Variants in GPC6 observed in about 807,000 individuals in gnomAD.
GPC6 encodes glypican-6.
GPC6 carries 14 observed loss-of-function variants against 55.2 expected under a neutral mutation model. The observed-to-expected ratio is 0.25, with a 90% CI of 0.17 to 0.40. GPC6 has a LOEUF of 0.40. GPC6 is among the 10% of genes least tolerant of loss of function. The probability of loss-of-function intolerance (pLI) is 1.00; values close to 1 mark genes in which losing one functional copy is unlikely to be tolerated. For synonymous variants in GPC6, 278 were observed against 259.6 expected (o/e 1.07, Z -0.68); for missense variants, 641 against 708.5 (o/e 0.90, Z 1.08).
chr13:93,309,197 T>C (rs898143514), intron 1 of GPC6, among the ~76,000 whole-genome samples: 2 of 152,204 alleles, frequency 1.3e-5, no homozygotes, highest in Admixed American at 1.3e-4. Flanking sequence ...GATATGCTTT[T>C]TGAAAAGAAT....
intron 3 of GPC6, among the ~76,000 whole-genome samples, chr13:93,879,723 ATAAAC>A (rs1874836134): frequency 6.6e-6 from 1 of 151,766 alleles, no homozygotes; most frequent in Non-Finnish European, 1.5e-5. Flanking sequence ...TGGGATCTAA[ATAAAC>A]TAAAGAGCTT....
intron 1 of GPC6, among the ~76,000 whole-genome samples, chr13:93,400,012 C>T (rs1044423088): frequency 2.6e-5 from 4 of 152,116 alleles, no homozygotes; most frequent in African/African-American, 4.8e-5. Flanking sequence ...TTGAAATAAT[C>T]GCATAAAGCT....
chr13:94,198,262 C>T (rs1302949922), intron 4 of GPC6, among the ~76,000 whole-genome samples: 4 of 152,048 alleles, frequency 2.6e-5, no homozygotes, highest in East Asian at 1.9e-4. Context: ...AGGTGAAAGT[C>T]CTAATGCAGG....
chr13:93,222,901 T>C (rs559982757), upstream of GPC6, among the ~76,000 whole-genome samples: 3 of 152,296 alleles, frequency 2.0e-5, no homozygotes, highest in South Asian at 6.2e-4. Flanking sequence ...ATCCCTCCAT[T>C]GTCATTGTCT....
intron 3 of GPC6, among the ~76,000 whole-genome samples, chr13:93,956,733 G>T (rs1354088033): frequency 6.6e-6 from 1 of 152,112 alleles, no homozygotes; most frequent in Non-Finnish European, 1.5e-5. Flanking sequence ...GTTCAACCGG[G>T]CATGTTTGTT....
chr13:93,862,401 G>C (rs1489719746), intron 3 of GPC6, among the ~76,000 whole-genome samples: 2 of 151,442 alleles, frequency 1.3e-5, no homozygotes, highest in Non-Finnish European at 3.0e-5. Context: ...TTCATATTTA[G>C]GGGGGTTACA....
chr13:93,303,872 A>ATTT lies in GPC6; in HGVS notation c.160+76272_160+76274dup, dbSNP rs33964040. Among the ~76,000 whole-genome samples the ATTT allele has an allele frequency of 3.9e-3, 506 of 128,922 alleles. 7 individuals carry two copies. Among genetic ancestry groups the ATTT allele is most frequent in the Non-Finnish European group, 4.7e-3 (289 of 62,064 alleles). The allele number at this position is 128,922 out of a possible 152,430, so 84.6% of individuals were successfully genotyped here. ...AGACAGTTTGGGCAATGTAGATACT[A>ATTT]TTTTTTTTTTTTTTTTTTGAGATGG... is the stretch of plus-strand genomic sequence containing the variant. On this transcript the variant is annotated intron_variant, in intron 1 of 8. Transcript: ENST00000377047.
At chr13:93,968,557 G>A (rs1481307863) in intron 3 of GPC6, among the ~76,000 whole-genome samples, 1 of 152,060 alleles carries the variant, frequency 6.6e-6, no homozygotes, top group Non-Finnish European at 1.5e-5. Flanking sequence ...TTCTGAAGAA[G>A]CACATGTTTG....
chr13:94,224,149 A>G (rs1890473369), intron 4 of GPC6, among the ~76,000 whole-genome samples: 2 of 151,718 alleles, frequency 1.3e-5, no homozygotes, highest in East Asian at 1.9e-4. Flanking sequence ...TGCAGAAAAC[A>G]TGTGTGTTAG....
intron 4 of GPC6, among the ~76,000 whole-genome samples, chr13:94,141,538 A>C (rs531181306): frequency 6.6e-6 from 1 of 152,230 alleles, no homozygotes; most frequent in East Asian, 1.9e-4. Flanking sequence ...ATCATGAGGC[A>C]TGTCCCACCT....
chr13:93,626,678 T>G (rs1879214689), intron 2 of GPC6, among the ~76,000 whole-genome samples: 1 of 151,872 alleles, frequency 6.6e-6, no homozygotes, highest in African/African-American at 2.4e-5. Flanking sequence ...GGCACACGCC[T>G]ATAGGCCCAG....
chr13:94,250,640 G>T (rs1428026028), intron 4 of GPC6, among the ~76,000 whole-genome samples: 1 of 152,114 alleles, frequency 6.6e-6, no homozygotes, highest in Non-Finnish European at 1.5e-5. Context: ...CCAGTTTCCT[G>T]AAGGAGACTT....
chr13:94,037,714 G>A (rs117428038), intron 4 of GPC6, among the ~76,000 whole-genome samples: 1 of 151,914 alleles, frequency 6.6e-6, no homozygotes. Flanking sequence ...CAGTACCAGG[G>A]TTATTAACCA....
chr13:93,346,089 G>T (rs1285314257), intron 1 of GPC6, among the ~76,000 whole-genome samples: 1 of 152,174 alleles, frequency 6.6e-6, no homozygotes, highest in Non-Finnish European at 1.5e-5. Context: ...CACAAATGAA[G>T]CTGAACTGTT....
At chr13:93,452,639 A>G (rs1269089027) in intron 1 of GPC6, among the ~76,000 whole-genome samples, 1 of 152,204 alleles carries the variant, frequency 6.6e-6, no homozygotes, top group Non-Finnish European at 1.5e-5. Flanking sequence ...ACTTTGGCCC[A>G]TTGTTTTGCT....
chr13:93,691,499 A>G (rs1443942769), intron 2 of GPC6, among the ~76,000 whole-genome samples: 1 of 149,196 alleles, frequency 6.7e-6, no homozygotes, highest in African/African-American at 2.5e-5. Flanking sequence ...TTCTCTTATC[A>G]CATTGAAGAT....
chr13:93,485,907 T>C (rs767514209), intron 1 of GPC6, among the ~76,000 whole-genome samples: 3 of 152,170 alleles, frequency 2.0e-5, no homozygotes, highest in Non-Finnish European at 2.9e-5. Context: ...GACAGATTAT[T>C]ATATCAGCAA....
intron 4 of GPC6, among the ~76,000 whole-genome samples, chr13:94,140,316 TAA>T (rs1887329251): frequency 6.6e-6 from 1 of 152,246 alleles, no homozygotes; most frequent in Non-Finnish European, 1.5e-5. Context: ...TTTGAATTAG[TAA>T]ATGTGAATTC....
chr13:93,354,848 G>A (rs983155699), intron 1 of GPC6, among the ~76,000 whole-genome samples: 12 of 152,124 alleles, frequency 7.9e-5, no homozygotes, highest in Non-Finnish European at 1.5e-4. Context: ...GATCCCAGGA[G>A]GGGAGCCTTA....
Sources: gnomAD v4.1 joint callset for allele counts (sites outside exome capture counted in the v4.1 genomes callset) on GRCh38, gnomAD v4.1.1 for gene constraint, MANE v1.5 for transcripts, NCBI Gene and HGNC (gene_info 2026-07-23, HGNC 2026-07-21) for gene names.